NARF: variants seen among roughly 807,000 people sequenced by gnomAD.
NARF encodes the protein nuclear prelamin A recognition factor.
In NARF, 41 loss-of-function variants were observed where a neutral mutation model predicts 48.0. The ratio of observed to expected loss-of-function variants is 0.85; its 90% confidence interval spans 0.66 to 1.11. The LOEUF is 1.11. NARF is among the 50% of genes least tolerant of loss of function. The pLI, the probability that NARF is intolerant of heterozygous loss-of-function variation, is 0.00. For missense variants in NARF, 613 were observed against 590.2 expected (o/e 1.04, Z -0.40); for synonymous variants, 215 against 225.5 (o/e 0.95, Z 0.42).
Position 82,459,040 on chromosome 17 carries a change from C to G in NARF, c.27+210C>G, listed in dbSNP as rs1018802506. On this transcript the variant is annotated intron_variant, in intron 1 of 10. Coordinates refer to ENST00000309794, the MANE Select transcript of NARF (RefSeq NM_012336.4). ...GGCGGGTTCGGTCTTCGCGGTTCTC[C>G]CTGAACTTGTCCATCTTTCCCACGC... 2.5e-6 allele frequency: 3 copies of G among 1,207,012 alleles called. No homozygotes were observed. The East Asian group carries it at 1.0e-4, about 41-fold the overall frequency. 74.8% of individuals were successfully genotyped at this position (1,207,012 alleles called of 1,614,324 possible).
intron 2 of NARF, among the ~76,000 whole-genome samples, chr17:82,462,445 A>G (rs2043460804): frequency 6.6e-6 from 1 of 152,178 alleles, no homozygotes; most frequent in Admixed American, 6.5e-5. Context: ...GAGTAGGGGA[A>G]GAATTGCAGG....
At chr17:82,481,397 G>C (rs1020696064) in intron 7 of NARF, among the ~76,000 whole-genome samples, 186 bp downstream of exon 7, 2 of 152,122 alleles carry the variant, frequency 1.3e-5, no homozygotes, top group Admixed American at 6.6e-5. Flanking sequence ...GGTCATGTTC[G>C]ATCTAGCCTC....
At chr17:82,479,294 G>T in intron 6 of NARF, 1 of 176,766 alleles carries the variant, frequency 5.7e-6, no homozygotes. Context: ...GCCTGTGCCT[G>T]GAGGCTGAGG....
At chr17:82,481,281 G>C in intron 7 of NARF, 70 bp downstream of exon 7, 1 of 1,590,454 alleles carries the variant, frequency 6.3e-7, no homozygotes, top group Non-Finnish European at 8.5e-7. Context: ...ACCAGAGCCA[G>C]GCAGATCTGT....
chr17:82,475,122 G>C (rs1485144092), intron 5 of NARF, among the ~76,000 whole-genome samples: 1 of 152,154 alleles, frequency 6.6e-6, no homozygotes, highest in Non-Finnish European at 1.5e-5. Flanking sequence ...TGCTGAGCCT[G>C]AGCCTGCCTC....
chr17:82,471,944 A>G (rs1024826368), intron 4 of NARF, among the ~76,000 whole-genome samples: 7 of 152,126 alleles, frequency 4.6e-5, no homozygotes, highest in Non-Finnish European at 8.8e-5. Context: ...ATTAATTTAT[A>G]TATGGAGTAA....
intron 5 of NARF, among the ~76,000 whole-genome samples, chr17:82,474,121 C>A (rs2043778986): frequency 1.3e-5 from 2 of 152,180 alleles, no homozygotes; most frequent in Admixed American, 1.3e-4. Context: ...TTAGAGGCTG[C>A]AGTGAGCTAT....
chr17:82,458,495 GT>G (rs1187207637), upstream of NARF: 5 of 355,088 alleles, frequency 1.4e-5, no homozygotes, highest in Non-Finnish European at 2.5e-5. Flanking sequence ...CAAGGACCCG[GT>G]CCCCCCGGCG....
In NARF at chr17:82,484,844, C is replaced by T. The variant is rs767337748; in HGVS notation, c.865C>T (p.Arg289Cys). The part of the protein sequence containing the change: ...FGDLKEDKVT[R>C]HDGASSDGHL... ...AGACTTGAAGGAGGACAAAGTGACG[C>T]GTCATGATGGAGCCAGCTCAGACGG... The change falls in exon 9 of 11, where the codon CGT becomes TGT. Residue 289 changes from arginine to cysteine, a missense_variant. By Grantham distance (180) the Arg-to-Cys change is radical (BLOSUM62 -3). Transcript: ENST00000309794. The T allele has an allele frequency of 1.4e-5, 23 of 1,609,460 alleles. 1 individual carries two copies. The highest frequency in any genetic ancestry group is 4.5e-5 in the East Asian group (2 of 44,558).
At position 82,468,761 on chromosome 17, in the gene NARF, T is replaced by C. The variant is rs2043630807; in HGVS notation, c.253-3T>C. 6.2e-7 allele frequency: 1 copy of C among 1,613,238 alleles called. No homozygotes were observed. The highest frequency in any genetic ancestry group is 1.3e-5 in the African/African-American group (1 of 74,922). On this transcript the variant is annotated splice_region_variant and splice_polypyrimidine_tract_variant and intron_variant, in intron 3 of 10. Transcript: ENST00000309794. ...ACCTAACATTCTCTATTTCTCCTTC[T>C]AGAAATGTGATACCTCAAAGCACAA...
intron 6 of NARF, chr17:82,479,959 C>T (rs1362566411): frequency 6.5e-6 from 1 of 153,638 alleles, no homozygotes; most frequent in East Asian, 1.9e-4. Flanking sequence ...GCTGCCCTCT[C>T]CCCTGGATGG....
chr17:82,460,243 TC>T lies in NARF; in HGVS notation c.108+172del, dbSNP rs537611061. Reference sequence around the variant, plus strand: ...ACTTTGGGAGGCCGAGGTGGACGGATCACTTGAGGTCAGGAGTTTGAGACCA... The same window carrying T: ...ACTTTGGGAGGCCGAGGTGGACGGATACTTGAGGTCAGGAGTTTGAGACCA... On this transcript the variant is annotated intron_variant, in intron 2 of 10. Transcript: ENST00000309794. 7.0e-4 allele frequency: 358 copies of T among 513,440 alleles called. 3 individuals carry two copies. The East Asian group carries it at 0.012, about 17-fold the overall frequency. The allele number at this position is 513,440 out of a possible 1,614,324, so 31.8% of individuals were successfully genotyped here.
At chr17:82,473,460 T>G (rs1395069259) in intron 5 of NARF, among the ~76,000 whole-genome samples, 1 of 152,004 alleles carries the variant, frequency 6.6e-6, no homozygotes, top group Non-Finnish European at 1.5e-5. Flanking sequence ...GAGTGCATCC[T>G]GCCTCACCCT....
At chr17:82,484,661 T>C in intron 8 of NARF, 152 bp from the exon 9 acceptor site, 1 of 911,922 alleles carries the variant, frequency 1.1e-6, no homozygotes, top group Non-Finnish European at 1.6e-6. Context: ...GATGCTAGAA[T>C]GGGACTTTCT....
chr17:82,483,011 C>T (rs1223740563), intron 7 of NARF, among the ~76,000 whole-genome samples: 2 of 150,486 alleles, frequency 1.3e-5, no homozygotes, highest in Admixed American at 6.6e-5. Flanking sequence ...GCTAGACTGG[C>T]GACCTTGTTT....
intron 8 of NARF, 28 bp downstream of exon 8, chr17:82,483,807 C>CT: frequency 1.9e-6 from 3 of 1,609,640 alleles, no homozygotes; most frequent in Non-Finnish European, 2.5e-6. Context: ...GGAGAGTCCT[C>CT]TGGGGGGCAG....
At chr17:82,470,771 G>A (rs954134462) in intron 4 of NARF, among the ~76,000 whole-genome samples, 3 of 152,152 alleles carry the variant, frequency 2.0e-5, no homozygotes, top group Non-Finnish European at 4.4e-5. Context: ...TGGGATTCCA[G>A]GGGTGAGCCA....
At chr17:82,478,997 C>T (rs759013151) in intron 6 of NARF, 79 bp downstream of exon 6, 15 of 1,388,382 alleles carry the variant, frequency 1.1e-5, no homozygotes, top group Non-Finnish European at 1.4e-5. Context: ...GGGAGGTTCC[C>T]CATCTGTCCA....
intron 10 of NARF, among the ~76,000 whole-genome samples, chr17:82,486,298 C>T (rs1006103605): frequency 2.6e-5 from 4 of 152,142 alleles, no homozygotes; most frequent in Non-Finnish European, 5.9e-5. Context: ...GGTCCATCTG[C>T]GCCCCTGGTG....
Sources: allele counts gnomAD v4.1 joint callset (sites outside exome capture counted in the v4.1 genomes callset), GRCh38; gene constraint gnomAD v4.1.1; transcripts MANE v1.5; gene names NCBI Gene and HGNC (gene_info 2026-07-23, HGNC 2026-07-21).